PIWIL1: variants seen among roughly 807,000 people sequenced by gnomAD.
PIWIL1 encodes the protein piwi like RNA-mediated gene silencing 1.
In PIWIL1, 73 loss-of-function variants were observed where a neutral mutation model predicts 114.4. The observed-to-expected ratio is 0.64, with a 90% CI of 0.53 to 0.78. PIWIL1 has a LOEUF of 0.78. Among genes scored for constraint, PIWIL1 ranks in the 30% least tolerant of loss-of-function variants. The pLI, the probability that PIWIL1 is intolerant of heterozygous loss-of-function variation, is 0.00. For missense variants in PIWIL1, 723 were observed against 1,063.1 expected (o/e 0.68, Z 4.45); for synonymous variants, 375 against 369.0 (o/e 1.02, Z -0.19).
At chr12:130,418,841 T>C in the PIWIL1 span, among the ~76,000 whole-genome samples, 1 of 152,166 alleles carries the variant, frequency 6.6e-6, no homozygotes, top group South Asian at 2.1e-4. Context: ...CAAACTCACA[T>C]GGACCATGCA....
chr12:130,404,034 T>A, the PIWIL1 span, among the ~76,000 whole-genome samples: 1 of 152,224 alleles, frequency 6.6e-6, no homozygotes, highest in Non-Finnish European at 1.5e-5. Flanking sequence ...GATTTCCTTA[T>A]CTCTGTTATT....
the PIWIL1 span, chr12:130,412,830 G>C: frequency 6.4e-7 from 1 of 1,553,402 alleles, no homozygotes; most frequent in South Asian, 1.2e-5. Context: ...GTAATTGATT[G>C]GTTCAGAAAT....
At chr12:130,375,774 G>T (rs1392642104), downstream of PIWIL1, among the ~76,000 whole-genome samples, 2 of 151,784 alleles carry the variant, frequency 1.3e-5, no homozygotes, top group Non-Finnish European at 2.9e-5. Context: ...CAAAACTCCT[G>T]TGTTGTCTGG....
chr12:130,375,152 T>C (rs564357885), downstream of PIWIL1, among the ~76,000 whole-genome samples: 1 of 152,198 alleles, frequency 6.6e-6, no homozygotes, highest in African/African-American at 2.4e-5. Context: ...AGATGGTAGC[T>C]CCTGGCTTGC....
the PIWIL1 span, chr12:130,424,596 C>G: frequency 2.4e-6 from 3 of 1,231,816 alleles, no homozygotes; most frequent in African/African-American, 4.7e-5. This position sits in a 1 kb window ranked among gnomAD's most constrained non-coding sequence, Gnocchi z 9.8. Flanking sequence ...GGGGACGGCC[C>G]CCGAGCCCCT....
the PIWIL1 span, among the ~76,000 whole-genome samples, chr12:130,391,144 G>C: frequency 1.4e-4 from 21 of 152,346 alleles, no homozygotes; most frequent in Non-Finnish European, 2.2e-4. Flanking sequence ...CTCAGGAGTT[G>C]CTGATTTGGA....
chr12:130,358,155 T>C (rs2073415703), intron 14 of PIWIL1, among the ~76,000 whole-genome samples: 1 of 152,216 alleles, frequency 6.6e-6, no homozygotes, highest in Non-Finnish European at 1.5e-5. Flanking sequence ...AGGGGAGGAC[T>C]GAGTCCCGAA....
chr12:130,348,224 T>C, intron 7 of PIWIL1, 41 bp downstream of exon 7: 2 of 1,186,040 alleles, frequency 1.7e-6, no homozygotes, highest in Non-Finnish European at 2.5e-6. Flanking sequence ...TTAGGCTTAA[T>C]GACAGACTTT....
At chr12:130,393,977 G>A in the PIWIL1 span, among the ~76,000 whole-genome samples, 1 of 152,136 alleles carries the variant, frequency 6.6e-6, no homozygotes, top group Non-Finnish European at 1.5e-5. Context: ...TGGGCATTTT[G>A]TGTTTGCTGT....
At position 130,346,490 on chromosome 12, in the gene PIWIL1, G is replaced by A. The variant is rs1050895129; in HGVS notation, c.437G>A (p.Arg146His). 3 of 1,613,752 alleles carry A rather than the reference G, an allele frequency of 1.9e-6. No homozygotes were observed. The highest frequency in any genetic ancestry group is 2.2e-5 in the East Asian group (1 of 44,886). The change falls in exon 5 of 21, where the codon CGT becomes CAT. Residue 146 changes from arginine (R) to histidine (H), a missense_variant. Transcript: ENST00000245255. ...YNPLMEARRL[R>H]SALLFQHEDL... is the part of the protein sequence containing the mutation. ...CCACTGATGGAAGCCAGAAGACTCC[G>A]TTCAGCTCTTCTTTTTCAACACGAA...
At chr12:130,375,742 T>C (rs2073862073), downstream of PIWIL1, among the ~76,000 whole-genome samples, 1 of 152,148 alleles carries the variant, frequency 6.6e-6, no homozygotes, top group Non-Finnish European at 1.5e-5. Context: ...CCTTAACTAC[T>C]GTTCCATTTC....
At chr12:130,419,613 A>C in the PIWIL1 span, 1 of 152,236 alleles carries the variant, frequency 6.6e-6, no homozygotes, top group Non-Finnish European at 1.5e-5. This position sits in a 1 kb window ranked among gnomAD's most constrained non-coding sequence, Gnocchi z 4.3. Flanking sequence ...TAGAGTTACT[A>C]ATGTTTTTAT....
At chr12:130,389,811 T>C in the PIWIL1 span, among the ~76,000 whole-genome samples, 1 of 152,220 alleles carries the variant, frequency 6.6e-6, no homozygotes, top group Non-Finnish European at 1.5e-5. Context: ...AGTTCATTAG[T>C]GTGTCTTTTC....
chr12:130,395,679 T>G, the PIWIL1 span, among the ~76,000 whole-genome samples: 1 of 152,222 alleles, frequency 6.6e-6, no homozygotes, highest in African/African-American at 2.4e-5. Context: ...TTGAACTATA[T>G]TTTCATCTTG....
Position 130,345,763 on chromosome 12 carries a change from A to G in PIWIL1, c.201A>G (p.Ile67Met), listed in dbSNP as rs2073053277. 1 of 1,613,712 alleles carries G rather than the reference A, an allele frequency of 6.2e-7. No individual in the cohort carries two copies. Among genetic ancestry groups the G allele is most frequent in the Non-Finnish European group, 8.5e-7 (1 of 1,179,912 alleles). The change falls in exon 4 of 21, where the codon ATA (isoleucine) becomes ATG (methionine). Residue 67 changes from isoleucine (I) to methionine (M), a missense_variant. Coordinates refer to ENST00000245255, the MANE Select transcript of PIWIL1 (RefSeq NM_004764.5). ...GGTAKSQGLQ[I>M]SAGFQELSLA... The stretch of plus-strand genomic sequence containing the variant: ...CAATTTTTTTTTAAGGACTCCAGAT[A>G]TCTGCTGGATTTCAGGAGTTATCGT...
At chr12:130,404,029 C>T in the PIWIL1 span, among the ~76,000 whole-genome samples, 1 of 152,094 alleles carries the variant, frequency 6.6e-6, no homozygotes, top group Admixed American at 6.6e-5. Context: ...TCACAGATTT[C>T]CTTATCTCTG....
At chr12:130,392,180 CCGGT>C in the PIWIL1 span, among the ~76,000 whole-genome samples, 2 of 97,808 alleles carry the variant, frequency 2.0e-5, no homozygotes, top group African/African-American at 7.7e-5. Context: ...TTGTGATGAC[CCGGT>C]CACCGTCATC....
intron 10 of PIWIL1, 99 bp downstream of exon 10, chr12:130,354,762 C>G: frequency 6.7e-6 from 10 of 1,483,576 alleles, no homozygotes; most frequent in South Asian, 5.3e-5. Context: ...TCCCTCCCCC[C>G]AGAAAACCTT....
chr12:130,423,649 C>T, the PIWIL1 span, among the ~76,000 whole-genome samples: 62 of 21,158 alleles, frequency 2.9e-3, no homozygotes, highest in East Asian at 0.044. Context: ...ACTTTGGAAA[C>T]AATATGCAAA....
Sources: allele counts gnomAD v4.1 joint callset (sites outside exome capture counted in the v4.1 genomes callset), GRCh38; gene constraint gnomAD v4.1.1; non-coding constraint Gnocchi (gnomAD v3.1); transcripts MANE v1.5; gene names NCBI Gene and HGNC (gene_info 2026-07-23, HGNC 2026-07-21).